TLL2: variants seen among roughly 807,000 people sequenced by gnomAD.
TLL2 encodes tolloid like 2, also known as tolloid-like protein 2.
In TLL2, 106 loss-of-function variants were observed where a neutral mutation model predicts 123.0. The observed-to-expected ratio is 0.86, with a 90% CI of 0.74 to 1.01. The LOEUF (loss-of-function observed/expected upper bound fraction) is 1.01. TLL2 is among the 50% of genes least tolerant of loss of function. TLL2 has a pLI of 0.00. For missense variants in TLL2, 1,332 were observed against 1,336.7 expected, an observed-to-expected ratio of 1.00 and a Z score of 0.06; for synonymous variants, 494 against 516.8, an observed-to-expected ratio of 0.96 and a Z score of 0.60.
At chr10:96,425,259 T>TTCTCTCTCTCTCTC (rs5787184) in intron 5 of TLL2, among the ~76,000 whole-genome samples, 27 of 144,346 alleles carry the variant, frequency 1.9e-4, no homozygotes, top group African/African-American at 6.7e-4. Context: ...CATTACTGTT[T>TTCTCTCTCTCTCTC]TCTCTCTCTC....
At chr10:96,392,833 T>C (rs1846301387) in intron 13 of TLL2, among the ~76,000 whole-genome samples, 1 of 152,204 alleles carries the variant, frequency 6.6e-6, no homozygotes, top group Non-Finnish European at 1.5e-5. Context: ...AGAAGGACTC[T>C]GCAGGTGTGG....
Position 96,401,292 on chromosome 10 carries a change from G to A in TLL2, c.1267+3940C>T, listed in dbSNP as rs975510196. The stretch of plus-strand genomic sequence containing the variant: ...GTACTTTCACAATCCACCCTAATCC[G>A]CTCTCCCTCCTGCCAAAGGGGCATT... On this transcript the variant is annotated intron_variant, in intron 10 of 20. Coordinates refer to ENST00000357947, the MANE Select transcript of TLL2 (RefSeq NM_012465.4). Among the ~76,000 whole-genome samples, 9 of 152,194 alleles carry A rather than the reference G, an allele frequency of 5.9e-5. No homozygotes were observed. In the South Asian group the frequency reaches 8.3e-4, roughly 14 times the overall value.
intron 9 of TLL2, among the ~76,000 whole-genome samples, chr10:96,409,860 C>T (rs865813099): frequency 6.6e-6 from 1 of 152,194 alleles, no homozygotes. Flanking sequence ...AGACTGCATG[C>T]CTGGCCAGTC....
chr10:96,391,381 C>G (rs1234605117), intron 13 of TLL2, among the ~76,000 whole-genome samples: 1 of 152,224 alleles, frequency 6.6e-6, no homozygotes, highest in Non-Finnish European at 1.5e-5. Context: ...CCTCAAACTC[C>G]ACTTGCCACG....
rs557164721 is a variant in TLL2, at chr10:96,446,210, C to T, written c.287-42G>A. The T allele has an allele frequency of 2.7e-5, 43 of 1,600,000 alleles. No homozygotes were observed. In the South Asian group the frequency reaches 4.7e-4, roughly 18 times the overall value. On this transcript the variant is annotated intron_variant, in intron 2 of 20. Transcript: ENST00000357947. ...GAAAGAGGCATGAGGACACATCAGC[C>T]TTCTCTGCATCAGCACCAAGGGATG... is the stretch of plus-strand genomic sequence containing the variant.
intron 2 of TLL2, among the ~76,000 whole-genome samples, chr10:96,463,288 C>A (rs910377819): frequency 6.6e-6 from 1 of 152,090 alleles, no homozygotes; most frequent in Non-Finnish European, 1.5e-5. Context: ...GGAAAGCAAA[C>A]GAACGCAGCA....
intron 10 of TLL2, among the ~76,000 whole-genome samples, chr10:96,403,912 T>C (rs1016236059): frequency 6.6e-6 from 1 of 151,722 alleles, no homozygotes; most frequent in Non-Finnish European, 1.5e-5. Context: ...ACTGAGATAT[T>C]TGGGTGGAGA....
intron 5 of TLL2, among the ~76,000 whole-genome samples, chr10:96,427,090 CT>C (rs111859312): frequency 9.9e-5 from 15 of 152,232 alleles, no homozygotes; most frequent in African/African-American, 3.6e-4. Flanking sequence ...CAATTTTAAT[CT>C]TGCTGTTTTT....
chr10:96,471,051 G>A (rs1432247010), intron 2 of TLL2, among the ~76,000 whole-genome samples: 1 of 152,070 alleles, frequency 6.6e-6, no homozygotes, highest in Non-Finnish European at 1.5e-5. Flanking sequence ...CCAGGCTGGA[G>A]TGCAAGTTGT....
chr10:96,402,302 T>C (rs901239342), intron 10 of TLL2, among the ~76,000 whole-genome samples: 9 of 152,256 alleles, frequency 5.9e-5, no homozygotes, highest in African/African-American at 2.2e-4. Context: ...TTTGTGGTCC[T>C]TTCTACATTT....
intron 3 of TLL2, among the ~76,000 whole-genome samples, chr10:96,437,088 A>G (rs372566750): frequency 2.6e-5 from 4 of 152,172 alleles, no homozygotes; most frequent in African/African-American, 7.2e-5. Context: ...TGAGTCATTG[A>G]ATGGGTGTTA....
rs1363887492 is a variant in TLL2, at chr10:96,513,896, C to G, written c.-211G>C. The G allele has an allele frequency of 1.9e-6, 1 of 532,604 alleles. No homozygotes were observed. Among genetic ancestry groups the G allele is most frequent in the Non-Finnish European group, 3.1e-6 (1 of 320,006 alleles). The allele number at this position is 532,604 out of a possible 1,614,324, so 33.0% of individuals were successfully genotyped here. On this transcript the variant is annotated 5_prime_UTR_variant, in exon 1 of 21. Coordinates refer to ENST00000357947, the MANE Select transcript of TLL2 (RefSeq NM_012465.4). ...AAGCAGCCGCTCGGAGCTACTTGCCCGGCGGCCGAGGCTGCGGCGGCTGCG... is the reference window on the plus strand; with the variant it reads ...AAGCAGCCGCTCGGAGCTACTTGCCGGGCGGCCGAGGCTGCGGCGGCTGCG...
At chr10:96,418,756 T>C (rs993096475) in intron 7 of TLL2, among the ~76,000 whole-genome samples, 69 of 148,050 alleles carry the variant, frequency 4.7e-4, no homozygotes, top group Admixed American at 8.8e-4. Flanking sequence ...TATAAAATAA[T>C]AATTATTAAT....
At chr10:96,474,463 GTCT>G (rs1438758563) in intron 2 of TLL2, among the ~76,000 whole-genome samples, 1 of 152,206 alleles carries the variant, frequency 6.6e-6, no homozygotes, top group Non-Finnish European at 1.5e-5. Context: ...CTTTCTGGGG[GTCT>G]TCATTTCCTT....
At chr10:96,474,837 G>A (rs1461911191) in intron 2 of TLL2, among the ~76,000 whole-genome samples, 1 of 152,134 alleles carries the variant, frequency 6.6e-6, no homozygotes, top group African/African-American at 2.4e-5. Context: ...ATGCTCTAGG[G>A]GAGAATCCAC....
chr10:96,416,014 C>T (rs80059566), intron 7 of TLL2, among the ~76,000 whole-genome samples: 18,032 of 151,644 alleles, frequency 0.12, 1,346 homozygotes, highest in East Asian at 0.17. Flanking sequence ...CTCTAGCTCC[C>T]ATAGCCTCAT....
intron 1 of TLL2, among the ~76,000 whole-genome samples, chr10:96,502,819 G>A (rs891569656): frequency 5.3e-5 from 8 of 152,192 alleles, no homozygotes; most frequent in Non-Finnish European, 4.4e-5. Context: ...AAGAGGCTGG[G>A]TGCAAATTGC....
intron 1 of TLL2, among the ~76,000 whole-genome samples, chr10:96,510,204 CT>C: frequency 6.6e-6 from 1 of 152,180 alleles, no homozygotes; most frequent in Middle Eastern, 3.2e-3. Flanking sequence ...TCCTCCCAAG[CT>C]TTGCTGTCAG....
chr10:96,512,309 A>G (rs1389059309), intron 1 of TLL2, among the ~76,000 whole-genome samples: 1 of 152,188 alleles, frequency 6.6e-6, no homozygotes, highest in East Asian at 1.9e-4. Flanking sequence ...AATAACGACA[A>G]TGCCATCATT....
Sources: allele counts gnomAD v4.1 joint callset (sites outside exome capture counted in the v4.1 genomes callset), GRCh38; gene constraint gnomAD v4.1.1; transcripts MANE v1.5; gene names NCBI Gene and HGNC (gene_info 2026-07-23, HGNC 2026-07-21).